Variants in AGMO observed in about 807,000 individuals in gnomAD.
The protein encoded by AGMO is alkylglycerol monooxygenase.
A neutral mutation model predicts 60.2 loss-of-function variants in AGMO; 75 were observed. The observed-to-expected ratio is 1.25, with a 90% CI of 1.03 to 1.51. The LOEUF (loss-of-function observed/expected upper bound fraction) is 1.51, where lower values mean the gene tolerates loss of function less well. Among genes scored for constraint, AGMO ranks in the 40% most tolerant of loss-of-function variants. The probability of loss-of-function intolerance (pLI) is 0.00; values close to 1 mark genes in which losing one functional copy is unlikely to be tolerated. For synonymous variants in AGMO, 261 were observed against 177.1 expected, an observed-to-expected ratio of 1.47 and a Z score of -3.76; for missense variants, 763 against 525.5, an observed-to-expected ratio of 1.45 and a Z score of -4.42.
chr7:15,215,518 A>T (rs141196204), intron 12 of AGMO, among the ~76,000 whole-genome samples: 1 of 152,074 alleles, frequency 6.6e-6, no homozygotes, highest in East Asian at 1.9e-4. Context: ...TTCAAAACAC[A>T]CACAGTGGAA....
intron 4 of AGMO, among the ~76,000 whole-genome samples, chr7:15,419,680 T>G (rs558769694): frequency 1.0e-3 from 158 of 152,124 alleles, no homozygotes; most frequent in Middle Eastern, 0.01. Context: ...GAATGTTTTT[T>G]TTTTAATATA....
chr7:15,201,515 T>G (rs1583287372), intron 12 of AGMO, among the ~76,000 whole-genome samples, 156 bp from the exon 13 acceptor site: 1 of 152,284 alleles, frequency 6.6e-6, no homozygotes, highest in African/African-American at 2.4e-5. Flanking sequence ...CTGATAGAAC[T>G]TAGCCAATTT....
At chr7:15,322,763 T>C (rs1409269473) in intron 12 of AGMO, among the ~76,000 whole-genome samples, 2 of 130,760 alleles carry the variant, frequency 1.5e-5, no homozygotes, top group East Asian at 4.2e-4. Context: ...AATATATATA[T>C]CACAAAATTA....
At chr7:15,495,727 T>C (rs775916037) in intron 3 of AGMO, among the ~76,000 whole-genome samples, 26 of 152,068 alleles carry the variant, frequency 1.7e-4, no homozygotes, top group Non-Finnish European at 3.8e-4. Flanking sequence ...GCAGATTTGG[T>C]TGCTAGTAAG....
chr7:15,158,203 G>T, the AGMO span, among the ~76,000 whole-genome samples: 5 of 152,196 alleles, frequency 3.3e-5, no homozygotes, highest in East Asian at 9.7e-4. Flanking sequence ...CGTGGCTAAT[G>T]AAGAACTTGG....
intron 12 of AGMO, among the ~76,000 whole-genome samples, chr7:15,331,417 TATA>T (rs1447091630): frequency 6.6e-6 from 1 of 152,054 alleles, no homozygotes; most frequent in Non-Finnish European, 1.5e-5. Flanking sequence ...AAAAAATATA[TATA>T]ATGAGATTTA....
chr7:15,310,408 T>C (rs566716797), intron 12 of AGMO, among the ~76,000 whole-genome samples: 1 of 152,168 alleles, frequency 6.6e-6, no homozygotes, highest in Admixed American at 6.6e-5. Flanking sequence ...ATATTTGGTT[T>C]CCATTTGGAA....
chr7:15,441,101 T>C (rs1781543125), intron 3 of AGMO, among the ~76,000 whole-genome samples: 1 of 152,206 alleles, frequency 6.6e-6, no homozygotes, highest in African/African-American at 2.4e-5. Flanking sequence ...ATATGTGTTA[T>C]TTAAAACAAA....
At chr7:15,543,211 T>A (rs1284498457) in intron 3 of AGMO, among the ~76,000 whole-genome samples, 1 of 152,134 alleles carries the variant, frequency 6.6e-6, no homozygotes, top group Admixed American at 6.5e-5. Context: ...TCTTCAGTAG[T>A]TTTTCAAGAT....
At chr7:15,302,872 T>C (rs754101334) in intron 12 of AGMO, among the ~76,000 whole-genome samples, 4 of 152,070 alleles carry the variant, frequency 2.6e-5, no homozygotes, top group Admixed American at 6.5e-5. Context: ...TTACTGAGAG[T>C]AATAATTTCT....
chr7:15,291,932 T>C (rs746077015), intron 12 of AGMO, among the ~76,000 whole-genome samples: 22 of 152,128 alleles, frequency 1.4e-4, no homozygotes, highest in Non-Finnish European at 2.6e-4. Context: ...ATGACCTGTG[T>C]AGATTGTGGT....
In AGMO at chr7:15,287,745, G is replaced by C. The variant is rs1314539257; in HGVS notation, c.1263+77769C>G. Reference sequence around the variant, plus strand: ...ACTGATTTATCAAATGTCTTCATTAGCATCAATGAATACTTTAAATGCATT... The same window carrying C: ...ACTGATTTATCAAATGTCTTCATTACCATCAATGAATACTTTAAATGCATT... On this transcript the variant is annotated intron_variant, in intron 12 of 12. Coordinates refer to ENST00000342526, the MANE Select transcript of AGMO (RefSeq NM_001004320.2). 2.6e-5 allele frequency among the ~76,000 whole-genome samples: 4 copies of C among 151,986 alleles called. No individual in the cohort carries two copies. In the East Asian group the frequency reaches 7.7e-4, roughly 29 times the overall value.
At position 15,294,867 on chromosome 7, in the gene AGMO, C is replaced by A. The variant is rs571457345; in HGVS notation, c.1263+70647G>T. Among the ~76,000 whole-genome samples, 4 of 151,894 alleles carry A rather than the reference C, an allele frequency of 2.6e-5. No individual in the cohort carries two copies. In the East Asian group the frequency reaches 7.7e-4, roughly 29 times the overall value. On this transcript the variant is annotated intron_variant, in intron 12 of 12. Transcript: ENST00000342526. ...AAGAAAACATATGCAACTGAAAAGT[C>A]ATGAAATTTATCGAAAAGTGATACT...
At chr7:15,415,146 G>T (rs1780727155) in intron 5 of AGMO, among the ~76,000 whole-genome samples, 2 of 151,944 alleles carry the variant, frequency 1.3e-5, no homozygotes, top group Non-Finnish European at 2.9e-5. Context: ...TTCATGAAAA[G>T]TCATCAGTGG....
chr7:15,259,399 T>C (rs1410399904), intron 12 of AGMO, among the ~76,000 whole-genome samples: 3 of 151,834 alleles, frequency 2.0e-5, no homozygotes, highest in Admixed American at 6.6e-5. Flanking sequence ...CTCCAGGAAG[T>C]CTGGGACTAT....
At chr7:15,384,118 C>T (rs551896489) in intron 10 of AGMO, among the ~76,000 whole-genome samples, 41 of 151,930 alleles carry the variant, frequency 2.7e-4, no homozygotes, top group African/African-American at 8.0e-4. Context: ...TTGTATTTTT[C>T]AGTAGAGACG....
intron 12 of AGMO, among the ~76,000 whole-genome samples, chr7:15,315,401 G>A (rs557318675): frequency 3.7e-5 from 5 of 134,590 alleles, no homozygotes; most frequent in Admixed American, 8.4e-5. Context: ...GTAGTGGCGC[G>A]ATCTAGGCTA....
the AGMO span, among the ~76,000 whole-genome samples, chr7:15,180,063 A>G: frequency 6.6e-6 from 1 of 152,116 alleles, no homozygotes; most frequent in Non-Finnish European, 1.5e-5. Flanking sequence ...AACCTCCAAG[A>G]TCTTTGAAAT....
intron 5 of AGMO, among the ~76,000 whole-genome samples, chr7:15,408,575 A>T (rs931341102): frequency 6.6e-6 from 1 of 151,830 alleles, no homozygotes; most frequent in Non-Finnish European, 1.5e-5. Context: ...ATTATGCCAG[A>T]AAAAATAGGT....
Sources: allele counts gnomAD v4.1 joint callset (sites outside exome capture counted in the v4.1 genomes callset), GRCh38; gene constraint gnomAD v4.1.1; transcripts MANE v1.5; gene names NCBI Gene and HGNC (gene_info 2026-07-23, HGNC 2026-07-21).